PDE8A: variants seen among roughly 807,000 people sequenced by gnomAD.
PDE8A encodes the protein phosphodiesterase 8A, also known as high affinity cAMP-specific and IBMX-insensitive 3',5'-cyclic phosphodiesterase 8A.
PDE8A carries 59 observed loss-of-function variants against 105.0 expected under a neutral mutation model. That is an observed-to-expected ratio of 0.56 (90% confidence interval 0.46 to 0.70). PDE8A has a LOEUF of 0.70. Ranked by LOEUF, PDE8A falls within the 30% of genes least tolerant of loss-of-function variation. PDE8A has a pLI of 0.00. For missense variants in PDE8A, 1,014 were observed against 1,045.9 expected (o/e 0.97, Z 0.42); for synonymous variants, 355 against 371.9 (o/e 0.95, Z 0.52).
chr15:84,986,874 C>T (rs2079810990), intron 1 of PDE8A, among the ~76,000 whole-genome samples: 2 of 152,166 alleles, frequency 1.3e-5, no homozygotes, highest in Admixed American at 1.3e-4. Context: ...CTCAGCCTAC[C>T]AAAGTGCTGG....
At chr15:84,981,370 C>T (rs919575093), upstream of PDE8A, among the ~76,000 whole-genome samples, 17 of 152,146 alleles carry the variant, frequency 1.1e-4, no homozygotes, top group Non-Finnish European at 2.1e-4. Context: ...GCCGGCAAAA[C>T]CCGGCCCGGA....
At chr15:85,021,448 G>T (rs1418365429) in intron 1 of PDE8A, among the ~76,000 whole-genome samples, 1 of 151,938 alleles carries the variant, frequency 6.6e-6, no homozygotes, top group South Asian at 2.1e-4. Flanking sequence ...GTTGGGGGTG[G>T]TGGTAGTGCA....
intron 1 of PDE8A, among the ~76,000 whole-genome samples, chr15:85,022,809 T>C (rs1267215935): frequency 2.6e-5 from 4 of 152,214 alleles, no homozygotes; most frequent in African/African-American, 9.6e-5. Context: ...CACCTTGGCC[T>C]CCCTAAGTGC....
chr15:84,990,451 C>T (rs941444988), intron 1 of PDE8A, among the ~76,000 whole-genome samples: 5 of 152,118 alleles, frequency 3.3e-5, no homozygotes, highest in Admixed American at 6.5e-5. Context: ...TTATTTTTGC[C>T]TATTCTAGAT....
intron 1 of PDE8A, among the ~76,000 whole-genome samples, chr15:85,044,434 T>C (rs1253992439): frequency 6.6e-6 from 1 of 152,194 alleles, no homozygotes; most frequent in Non-Finnish European, 1.5e-5. Context: ...CTGAGAACTT[T>C]GCCTCAAGAG....
intron 1 of PDE8A, among the ~76,000 whole-genome samples, chr15:85,020,725 T>C (rs1225031269): frequency 2.6e-5 from 4 of 152,242 alleles, no homozygotes; most frequent in African/African-American, 7.2e-5. Flanking sequence ...CAAATGTTAC[T>C]AATATTTTAC....
intron 1 of PDE8A, among the ~76,000 whole-genome samples, chr15:85,034,138 C>T (rs1437303505): frequency 6.6e-6 from 1 of 152,102 alleles, no homozygotes; most frequent in Non-Finnish European, 1.5e-5. Flanking sequence ...AATTTTGACT[C>T]CTCCGTATTA....
intron 12 of PDE8A, 110 bp from the exon 13 acceptor site, chr15:85,113,267 C>G: frequency 3.4e-6 from 3 of 882,824 alleles, no homozygotes; most frequent in Non-Finnish European, 5.8e-6. Context: ...TCAGCAAACT[C>G]AGTTCTATCC....
intron 6 of PDE8A, among the ~76,000 whole-genome samples, chr15:85,086,469 G>C (rs1273784025): frequency 1.3e-5 from 2 of 152,066 alleles, no homozygotes; most frequent in African/African-American, 2.4e-5. Flanking sequence ...TACATGAAGA[G>C]CTTTGATTAA....
At chr15:84,998,371 A>G (rs1171258865) in intron 1 of PDE8A, among the ~76,000 whole-genome samples, 1 of 152,206 alleles carries the variant, frequency 6.6e-6, no homozygotes, top group African/African-American at 2.4e-5. Context: ...CAGACTCTGC[A>G]TGCTCTTCTA....
chr15:85,114,180 G>A (rs2082061478), intron 14 of PDE8A, 143 bp downstream of exon 14: 1 of 693,726 alleles, frequency 1.4e-6, no homozygotes, highest in African/African-American at 1.8e-5. Flanking sequence ...TCCATTGCCT[G>A]GGTTCTGCTA....
At chr15:85,020,272 G>A (rs1262093858) in intron 1 of PDE8A, among the ~76,000 whole-genome samples, 4 of 152,004 alleles carry the variant, frequency 2.6e-5, no homozygotes, top group Admixed American at 6.5e-5. Flanking sequence ...TGGTTTTGGC[G>A]AGTTTTTCCT....
At chr15:85,024,091 T>G (rs184157967) in intron 1 of PDE8A, among the ~76,000 whole-genome samples, 18 of 152,316 alleles carry the variant, frequency 1.2e-4, no homozygotes, top group Admixed American at 3.3e-4. Context: ...CTTCTCTACC[T>G]GGCTAACTCC....
At position 85,089,324 on chromosome 15, in the gene PDE8A, G is replaced by C. The variant is rs936325190; in HGVS notation, c.636-14G>C. The C allele has an allele frequency of 7.3e-7, 1 of 1,374,342 alleles. No individual in the cohort carries two copies. The highest frequency in any genetic ancestry group is 1.0e-6 in the Non-Finnish European group (1 of 981,940). The allele number at this position is 1,374,342 out of a possible 1,614,324, so 85.1% of individuals were successfully genotyped here. A position where few individuals can be genotyped will look rare whatever the true frequency, so the allele number is the denominator to read the frequency against. ...ATTTACATTAATCATTCCTTTTTTT[G>C]TTTACTCATAAAGGGCTTGTAACTC... On this transcript the variant is annotated splice_polypyrimidine_tract_variant and intron_variant, in intron 6 of 21. Transcript: ENST00000394553.
At chr15:85,083,763 T>A in intron 6 of PDE8A, 119 bp downstream of exon 6, 1 of 679,192 alleles carries the variant, frequency 1.5e-6, no homozygotes, top group Non-Finnish European at 2.7e-6. Flanking sequence ...TTGGAGAGAA[T>A]GGAGTGGCAA....
At chr15:85,004,226 G>C (rs1444586874) in intron 1 of PDE8A, among the ~76,000 whole-genome samples, 2 of 152,148 alleles carry the variant, frequency 1.3e-5, no homozygotes, top group East Asian at 3.9e-4. Flanking sequence ...GGGTGGGATT[G>C]AGCTCATTTC....
intron 5 of PDE8A, among the ~76,000 whole-genome samples, chr15:85,082,541 C>T (rs757994243): frequency 6.6e-6 from 1 of 152,062 alleles, no homozygotes; most frequent in Non-Finnish European, 1.5e-5. Flanking sequence ...TTGCTTGACA[C>T]CCAGACAAGA....
chr15:85,048,853 T>G (rs1009507731), intron 1 of PDE8A, among the ~76,000 whole-genome samples: 1 of 152,094 alleles, frequency 6.6e-6, no homozygotes, highest in African/African-American at 2.4e-5. Context: ...ATAATTCCAG[T>G]ACTTTGGGAG....
intron 11 of PDE8A, among the ~76,000 whole-genome samples, chr15:85,107,719 C>T (rs2081967172): frequency 6.6e-6 from 1 of 152,074 alleles, no homozygotes; most frequent in Non-Finnish European, 1.5e-5. Context: ...AATTCATTTG[C>T]AGTGCCTGAG....
Sources: allele counts gnomAD v4.1 joint callset (sites outside exome capture counted in the v4.1 genomes callset), GRCh38; gene constraint gnomAD v4.1.1; transcripts MANE v1.5; gene names NCBI Gene and HGNC (gene_info 2026-07-23, HGNC 2026-07-21).